MACROD2: variants seen among roughly 807,000 people sequenced by gnomAD.
MACROD2 encodes ADP-ribose glycohydrolase MACROD2.
A neutral mutation model predicts 70.4 loss-of-function variants in MACROD2; 36 were observed. The ratio of observed to expected loss-of-function variants is 0.51; its 90% CI spans 0.39 to 0.68. MACROD2 has a LOEUF of 0.68. MACROD2 is among the 30% of genes least tolerant of loss of function. MACROD2 has a pLI of 0.00. For synonymous variants in MACROD2, 172 were observed against 178.8 expected, an observed-to-expected ratio of 0.96 and a Z score of 0.30; for missense variants, 496 against 538.4, an observed-to-expected ratio of 0.92 and a Z score of 0.78.
chr20:14,963,807 C>T (rs535456336), intron 5 of MACROD2, among the ~76,000 whole-genome samples: 41 of 152,200 alleles, frequency 2.7e-4, no homozygotes, highest in African/African-American at 8.7e-4. Context: ...GAGAAGGATC[C>T]TCAAATCTTA....
At chr20:15,190,992 G>A (rs1293400330) in intron 5 of MACROD2, among the ~76,000 whole-genome samples, 2 of 152,118 alleles carry the variant, frequency 1.3e-5, no homozygotes, top group East Asian at 1.9e-4. Flanking sequence ...CCCTGATAGA[G>A]GCCATCCCTC....
At chr20:14,483,965 C>G (rs1446355990) in intron 3 of MACROD2, among the ~76,000 whole-genome samples, 10 of 152,126 alleles carry the variant, frequency 6.6e-5, no homozygotes, top group Admixed American at 5.9e-4. Flanking sequence ...TATTTGATAT[C>G]TGTCAGAAAT....
At chr20:15,261,771 G>T (rs1305659765) in intron 6 of MACROD2, among the ~76,000 whole-genome samples, 1 of 151,892 alleles carries the variant, frequency 6.6e-6, no homozygotes, top group Non-Finnish European at 1.5e-5. Flanking sequence ...AACTTCTCTT[G>T]TTTATTGTAT....
At chr20:14,450,039 T>C (rs1326093649) in intron 3 of MACROD2, among the ~76,000 whole-genome samples, 2 of 152,056 alleles carry the variant, frequency 1.3e-5, no homozygotes, top group African/African-American at 4.8e-5. Context: ...TGCTAAGAGA[T>C]TGGACTTTAT....
At chr20:14,775,978 C>T (rs1428843520) in intron 5 of MACROD2, among the ~76,000 whole-genome samples, 1 of 152,000 alleles carries the variant, frequency 6.6e-6, no homozygotes, top group African/African-American at 2.4e-5. Flanking sequence ...ATCTTAGTCA[C>T]AACAAGTCCC....
rs139909432 is a variant in MACROD2, at chr20:15,224,889, A to G, written c.419-5051A>G. The stretch of plus-strand genomic sequence containing the variant: ...GCAGGAGAATTGCTTGAATCCAGGA[A>G]GCAGAGGTTGCAGTGAGCCAAGATT... On this transcript the variant is annotated intron_variant, in intron 5 of 17. Coordinates refer to ENST00000684519, the MANE Select transcript of MACROD2 (RefSeq NM_001351661.2). 7.3e-3 allele frequency among the ~76,000 whole-genome samples: 1,102 copies of G among 151,756 alleles called. 13 individuals are homozygous for G. The highest frequency in any genetic ancestry group is 0.025 in the African/African-American group (1,039 of 41,388).
intron 4 of MACROD2, among the ~76,000 whole-genome samples, chr20:14,582,470 T>C (rs1279759840): frequency 6.6e-6 from 1 of 152,098 alleles, no homozygotes; most frequent in Admixed American, 6.6e-5. Context: ...ACCTAGATTC[T>C]TGATCAGTGT....
At chr20:15,002,240 A>T (rs1049808013) in intron 5 of MACROD2, among the ~76,000 whole-genome samples, 6 of 152,042 alleles carry the variant, frequency 3.9e-5, no homozygotes, top group Admixed American at 2.0e-4. Flanking sequence ...AGCAGTGTAG[A>T]CATGTTCCTT....
intron 8 of MACROD2, among the ~76,000 whole-genome samples, chr20:15,679,699 C>T (rs988001362): frequency 2.6e-5 from 4 of 152,124 alleles, no homozygotes; most frequent in Admixed American, 1.3e-4. Flanking sequence ...TGCAAAGAAG[C>T]AGAGGCCCTG....
intron 8 of MACROD2, among the ~76,000 whole-genome samples, chr20:15,594,565 A>G (rs1205565739): frequency 6.6e-6 from 1 of 152,216 alleles, no homozygotes; most frequent in Non-Finnish European, 1.5e-5. Flanking sequence ...CATTCCCACC[A>G]ACACTAGGCA....
intron 5 of MACROD2, among the ~76,000 whole-genome samples, chr20:15,015,242 G>A (rs1380035681): frequency 2.0e-5 from 3 of 151,868 alleles, no homozygotes; most frequent in Non-Finnish European, 4.4e-5. Flanking sequence ...GGCTTCTTCA[G>A]AGGAACTGCA....
intron 3 of MACROD2, among the ~76,000 whole-genome samples, chr20:14,393,831 A>G (rs1175514237): frequency 6.6e-6 from 1 of 152,098 alleles, no homozygotes; most frequent in Non-Finnish European, 1.5e-5. Context: ...TTTGTCAGGT[A>G]ATTAGGTTAA....
intron 10 of MACROD2, among the ~76,000 whole-genome samples, chr20:15,901,187 C>T (rs938472293): frequency 4.6e-5 from 7 of 152,164 alleles, no homozygotes; most frequent in Admixed American, 2.0e-4. Flanking sequence ...GCCTCCCCAC[C>T]CCAGCCCCCA....
chr20:14,535,461 C>T (rs1008852764), intron 4 of MACROD2, among the ~76,000 whole-genome samples: 19 of 133,512 alleles, frequency 1.4e-4, no homozygotes, highest in African/African-American at 5.1e-4. Flanking sequence ...GCCGAGATGG[C>T]GCCATTGTAC....
intron 8 of MACROD2, among the ~76,000 whole-genome samples, chr20:15,503,232 A>G (rs190441627): frequency 7.7e-4 from 118 of 152,350 alleles, no homozygotes; most frequent in African/African-American, 2.7e-3. Flanking sequence ...GAATATTGGT[A>G]TAAGAGCATG....
chr20:15,541,608 T>G (rs1226746257), intron 8 of MACROD2, among the ~76,000 whole-genome samples: 4 of 152,220 alleles, frequency 2.6e-5, no homozygotes, highest in Non-Finnish European at 1.5e-5. Flanking sequence ...CTAACAGTTT[T>G]CTTCAGAAAA....
At chr20:15,394,235 T>A (rs981132440) in intron 6 of MACROD2, among the ~76,000 whole-genome samples, 1 of 152,220 alleles carries the variant, frequency 6.6e-6, no homozygotes, top group Admixed American at 6.5e-5. Flanking sequence ...GAAAAAACAT[T>A]TTCTGTCTTT....
intron 5 of MACROD2, among the ~76,000 whole-genome samples, chr20:14,976,316 T>C (rs1238956100): frequency 6.6e-6 from 1 of 152,168 alleles, no homozygotes; most frequent in Admixed American, 6.5e-5. Context: ...AGGGAACATT[T>C]GTTTCTCTGC....
intron 15 of MACROD2, among the ~76,000 whole-genome samples, chr20:16,024,198 T>C (rs570688871): frequency 2.6e-4 from 39 of 152,280 alleles, no homozygotes; most frequent in African/African-American, 9.4e-4. Flanking sequence ...ACAAGTGTGG[T>C]TCATAGAAGC....
Sources: gnomAD v4.1 joint callset for allele counts (sites outside exome capture counted in the v4.1 genomes callset) on GRCh38, gnomAD v4.1.1 for gene constraint, MANE v1.5 for transcripts, NCBI Gene and HGNC (gene_info 2026-07-23, HGNC 2026-07-21) for gene names.